Variants in OR1J2 observed in about 807,000 individuals in gnomAD.
OR1J2 encodes the protein olfactory receptor family 1 subfamily J member 2.
For synonymous variants in OR1J2, 142 were observed against 99.7 expected (o/e 1.42, Z -2.52); for missense variants, 304 against 246.1 (o/e 1.24, Z -1.57).
At chr9:122,519,720 C>T in the OR1J2 span, 17,237 of 1,614,120 alleles carry the variant, frequency 0.011, 138 homozygotes, top group Non-Finnish European at 0.013. Context: ...AGACATCTCC[C>T]TCAATGAGCT....
the OR1J2 span, chr9:122,554,260 G>A: frequency 1.1e-6 from 1 of 899,554 alleles, no homozygotes; most frequent in South Asian, 1.7e-5. Flanking sequence ...TTAGGGGAAG[G>A]TTATCCGTTG....
At chr9:122,474,805 A>T in the OR1J2 span, among the ~76,000 whole-genome samples, 1 of 151,424 alleles carries the variant, frequency 6.6e-6, no homozygotes, top group Admixed American at 6.6e-5. Context: ...TAATTCAGAT[A>T]ACATGCTCTC....
At chr9:122,523,471 G>A in the OR1J2 span, among the ~76,000 whole-genome samples, 2 of 152,150 alleles carry the variant, frequency 1.3e-5, no homozygotes, top group South Asian at 2.1e-4. Context: ...GGTAACCAAC[G>A]TGTGAGATGG....
the OR1J2 span, among the ~76,000 whole-genome samples, chr9:122,555,812 A>G: frequency 1.3e-5 from 2 of 152,264 alleles, no homozygotes; most frequent in East Asian, 3.9e-4. Context: ...CACACGCACA[A>G]TCTCCCGAAC....
At chr9:122,527,200 T>C in the OR1J2 span, 1 of 1,614,046 alleles carries the variant, frequency 6.2e-7, no homozygotes, top group African/African-American at 1.3e-5. Flanking sequence ...ACAAGATACA[T>C]ACACAGGAAA....
chr9:122,506,440 A>G (rs1828524336), upstream of OR1J2, among the ~76,000 whole-genome samples: 1 of 152,050 alleles, frequency 6.6e-6, no homozygotes, highest in African/African-American at 2.4e-5. Context: ...AAGCTCTTCG[A>G]TTCACAGCTC....
the OR1J2 span, among the ~76,000 whole-genome samples, chr9:122,463,915 T>A: frequency 1.3e-5 from 2 of 152,208 alleles, no homozygotes; most frequent in East Asian, 3.9e-4. Context: ...AGCCAGGAGG[T>A]GGCGCTTTCA....
At chr9:122,463,717 T>G in the OR1J2 span, among the ~76,000 whole-genome samples, 3 of 152,158 alleles carry the variant, frequency 2.0e-5, no homozygotes, top group Non-Finnish European at 2.9e-5. Context: ...AGCCACCCAG[T>G]GAAGCTACTG....
chr9:122,495,437 T>A, the OR1J2 span, among the ~76,000 whole-genome samples: 3 of 152,182 alleles, frequency 2.0e-5, no homozygotes, highest in Non-Finnish European at 4.4e-5. Flanking sequence ...AAGCCTTGTC[T>A]TTGAGCCCTG....
the OR1J2 span, among the ~76,000 whole-genome samples, chr9:122,535,200 G>A: frequency 9.2e-5 from 14 of 151,904 alleles, no homozygotes; most frequent in Admixed American, 3.9e-4. Context: ...GGGTCGGGGT[G>A]CAGAAATAAG....
the OR1J2 span, among the ~76,000 whole-genome samples, chr9:122,550,610 A>C: frequency 6.6e-6 from 1 of 152,164 alleles, no homozygotes; most frequent in African/African-American, 2.4e-5. Context: ...CAAATCAATA[A>C]ATGTGATTCA....
the OR1J2 span, among the ~76,000 whole-genome samples, chr9:122,522,365 T>A: frequency 1.4e-3 from 208 of 152,250 alleles, no homozygotes; most frequent in African/African-American, 4.8e-3. Flanking sequence ...AATCAAAACA[T>A]CCTAGAACCA....
At chr9:122,552,079 T>TCTCTCTCTGTCACACACA in the OR1J2 span, among the ~76,000 whole-genome samples, 1 of 142,102 alleles carries the variant, frequency 7.0e-6, no homozygotes, top group Admixed American at 7.0e-5. Flanking sequence ...TCTCTCTCTC[T>TCTCTCTCTGTCACACACA]CACACACACA....
At chr9:122,477,881 C>T in the OR1J2 span, 3 of 1,611,544 alleles carry the variant, frequency 1.9e-6, no homozygotes, top group Non-Finnish European at 2.5e-6. Context: ...ATGGGGAGGC[C>T]CAGGAGGAGG....
rs771228767 is a variant in OR1J2 at position 122,511,716 on chromosome 9, C to T, written c.915C>T (p.Phe305=). ...RDMKEALGKL[F]SRATFFSW is the part of the protein sequence containing the mutation. ...TGAAAGAGGCCCTTGGGAAACTCTT[C>T]AGTAGAGCAACATTTTTCTCTTGGT... Residue 305 remains phenylalanine, a synonymous_variant, in exon 1 of 1, where the codon TTC becomes TTT. Transcript: ENST00000335302. 1 of 780,954 alleles carries T rather than the reference C, an allele frequency of 1.3e-6. No homozygotes were observed. Among genetic ancestry groups the T allele is most frequent in the Non-Finnish European group, 2.4e-6 (1 of 418,108 alleles). The allele number at this position is 780,954 out of a possible 1,614,324, so 48.4% of individuals were successfully genotyped here. A position where few individuals can be genotyped will look rare whatever the true frequency, so the allele number is the denominator to read the frequency against.
the OR1J2 span, among the ~76,000 whole-genome samples, chr9:122,557,661 T>C: frequency 6.6e-6 from 1 of 152,070 alleles, no homozygotes; most frequent in African/African-American, 2.4e-5. Context: ...TATTGGTATG[T>C]AGTTTTCTTT....
chr9:122,501,517 CT>C, the OR1J2 span, among the ~76,000 whole-genome samples: 2 of 152,200 alleles, frequency 1.3e-5, no homozygotes, highest in African/African-American at 4.8e-5. Context: ...CAAGCACATG[CT>C]TATTCCTACT....
chr9:122,503,788 C>G, the OR1J2 span, among the ~76,000 whole-genome samples: 1 of 152,200 alleles, frequency 6.6e-6, no homozygotes, highest in Non-Finnish European at 1.5e-5. Flanking sequence ...TTACCGCAGG[C>G]CATTTACACA....
chr9:122,449,744 G>A, the OR1J2 span, among the ~76,000 whole-genome samples: 1 of 152,128 alleles, frequency 6.6e-6, no homozygotes, highest in Non-Finnish European at 1.5e-5. Context: ...TGGTTATCCA[G>A]TTACTAGTTA....
Sources: gnomAD v4.1 joint callset for allele counts (sites outside exome capture counted in the v4.1 genomes callset) on GRCh38, gnomAD v4.1.1 for gene constraint, MANE v1.5 for transcripts, NCBI Gene and HGNC (gene_info 2026-07-23, HGNC 2026-07-21) for gene names.